CYP4A22: variants seen among roughly 807,000 people sequenced by gnomAD.
CYP4A22 encodes cytochrome P450 family 4 subfamily A member 22, also known as cytochrome P450 4A22.
CYP4A22 carries 46 observed loss-of-function variants against 56.2 expected under a neutral mutation model. The ratio of observed to expected loss-of-function variants is 0.82; its 90% CI spans 0.65 to 1.05. The LOEUF is 1.05. Among genes scored for constraint, CYP4A22 ranks in the 50% least tolerant of loss-of-function variants. CYP4A22 has a pLI of 0.00. For missense variants in CYP4A22, 541 were observed against 645.9 expected, an observed-to-expected ratio of 0.84 and a Z score of 1.76; for synonymous variants, 193 against 251.1, an observed-to-expected ratio of 0.77 and a Z score of 2.19.
At position 47,143,341 on chromosome 1, in the gene CYP4A22, G is replaced by T; in HGVS notation, c.583G>T (p.Asp195Tyr). 6.2e-7 allele frequency: 1 copy of T among 1,613,908 alleles called. No individual in the cohort carries two copies. The highest frequency in any genetic ancestry group is 8.5e-7 in the Non-Finnish European group (1 of 1,179,846). ...TCAGCACGTCTCCTTGATGACCCTG[G>T]ACACCATCATGAAGAGTGCCTTCAG... The part of the protein sequence containing the change: ...VFQHVSLMTL[D>Y]TIMKSAFSHQ... The change falls in exon 5 of 12, where the codon GAC becomes TAC. Residue 195 changes from aspartate (D) to tyrosine (Y), a missense_variant. This residue lies in a region of CYP4A22 where 335 missense variants were observed against 361.2 expected (regional missense o/e 0.93). Coordinates refer to ENST00000371891, the MANE Select transcript of CYP4A22 (RefSeq NM_001010969.4).
At chr1:47,138,252 AG>A (rs1364162208) in intron 1 of CYP4A22, among the ~76,000 whole-genome samples, 5 of 152,218 alleles carry the variant, frequency 3.3e-5, no homozygotes, top group Non-Finnish European at 5.9e-5. Context: ...AGTTTCCCCA[AG>A]GCTCACGGAA....
Position 47,144,453 on chromosome 1 carries a change from T to A in CYP4A22, c.887T>A (p.Leu296His), listed in dbSNP as rs1557648525. 1 of 1,613,904 alleles carries A rather than the reference T, an allele frequency of 6.2e-7. No homozygotes were observed. The highest frequency in any genetic ancestry group is 1.3e-5 in the African/African-American group (1 of 74,938). ...KRHLDFLDIL[L>H]LAKMENGSIL... is the part of the protein sequence containing the mutation. ...CACTTGGATTTTCTGGACATCCTCCTCTTGGCCAAAGTGAGTATGTGTAGG... is the reference window on the plus strand; with the variant it reads ...CACTTGGATTTTCTGGACATCCTCCACTTGGCCAAAGTGAGTATGTGTAGG... Residue 296 changes from leucine (L) to histidine (H), a missense_variant, in exon 7 of 12, where the codon CTC (leucine) becomes CAC (histidine). Coordinates refer to ENST00000371891, the MANE Select transcript of CYP4A22 (RefSeq NM_001010969.4).
At chr1:47,147,542 C>T in intron 11 of CYP4A22, 1 of 664,174 alleles carries the variant, frequency 1.5e-6, no homozygotes, top group Non-Finnish European at 1.9e-6. Flanking sequence ...CATTCACTCA[C>T]TGAGTGGCTT....
In CYP4A22 at chr1:47,149,626, C is replaced by G. The variant is rs1332284513; in HGVS notation, c.*829C>G. 2.6e-5 allele frequency: 4 copies of G among 152,212 alleles called. No individual in the cohort carries two copies. Among genetic ancestry groups the G allele is most frequent in the African/African-American group, 7.2e-5 (3 of 41,448 alleles). 9.4% of individuals were successfully genotyped at this position (152,212 alleles called of 1,614,324 possible). On this transcript the variant is annotated 3_prime_UTR_variant, in exon 12 of 12. Coordinates refer to ENST00000371891, the MANE Select transcript of CYP4A22 (RefSeq NM_001010969.4). The stretch of plus-strand genomic sequence containing the variant: ...ACCCACCTCCCAAACTCCTGCCTGC[C>G]CTCCAGACTGTCTGCCCATACACCT...
chr1:47,142,380 G>A, intron 4 of CYP4A22, 145 bp downstream of exon 4: 19 of 1,283,946 alleles, frequency 1.5e-5, no homozygotes, highest in Non-Finnish European at 2.0e-5. Flanking sequence ...AGAGTAGAGG[G>A]TTCCCCAGAG....
intron 2 of CYP4A22, among the ~76,000 whole-genome samples, chr1:47,141,264 A>T (rs1645005964): frequency 6.6e-6 from 1 of 152,156 alleles, no homozygotes; most frequent in Non-Finnish European, 1.5e-5. Flanking sequence ...CCTGGTCAGG[A>T]GGTGACTAGG....
At chr1:47,145,441 T>C (rs1053640842) in intron 9 of CYP4A22, among the ~76,000 whole-genome samples, 1 of 152,202 alleles carries the variant, frequency 6.6e-6, no homozygotes, top group Non-Finnish European at 1.5e-5. Flanking sequence ...AGTCCTGCTA[T>C]AACCTAGTTG....
Position 47,143,376 on chromosome 1 carries a change from C to A in CYP4A22, c.618C>A (p.Gly206=). 1.2e-6 allele frequency: 2 copies of A among 1,613,656 alleles called. No individual in the cohort carries two copies. Among genetic ancestry groups the A allele is most frequent in the East Asian group, 2.2e-5 (1 of 44,868 alleles). Residue 206 remains glycine (G), a synonymous_variant, in exon 5 of 12, where the codon GGC becomes GGA. Transcript: ENST00000371891. ...TIMKSAFSHQ[G]SIQVDRNSQS... ...TGAAGAGTGCCTTCAGCCATCAGGG[C>A]AGCATCCAGGTGGACAGGTCAGTGA...
At position 47,143,628 on chromosome 1, in the gene CYP4A22, G is replaced by A. The variant is rs577158630; in HGVS notation, c.636-134G>A. The stretch of plus-strand genomic sequence containing the variant: ...CTGATAAAGGCCAAAGGATAATAGG[G>A]CTGTAAGATAGAAGAAACATTGCCT... On this transcript the variant is annotated intron_variant, in intron 5 of 11. Coordinates refer to ENST00000371891, the MANE Select transcript of CYP4A22 (RefSeq NM_001010969.4). 9,923 of 1,328,326 alleles carry A rather than the reference G, an allele frequency of 7.5e-3. 122 individuals are homozygous for A. Among genetic ancestry groups the A allele is most frequent in the South Asian group, 0.039 (2,558 of 65,612 alleles). The allele number at this position is 1,328,326 out of a possible 1,614,324, so 82.3% of individuals were successfully genotyped here.
Position 47,143,863 on chromosome 1 carries a change from C to T in CYP4A22, c.737C>T (p.Thr246Ile), listed in dbSNP as rs760078696. The change falls in exon 6 of 12, where the codon ACC (threonine) becomes ATC (isoleucine). Residue 246 changes from threonine (T) to isoleucine (I), a missense_variant. Transcript: ENST00000371891. ...GAGAATGACACCATCTACAGCCTGA[C>T]CTCTGCTGGCCGCTGGACACACCGC... ...FHENDTIYSL[T>I]SAGRWTHRAC... 2 of 1,614,160 alleles carry T rather than the reference C, an allele frequency of 1.2e-6. No individual in the cohort carries two copies. The highest frequency in any genetic ancestry group is 1.1e-5 in the South Asian group (1 of 91,080).
rs188695873 is a variant in CYP4A22 at position 47,141,013 on chromosome 1, A to G, written c.337+92A>G. 796 of 1,554,032 alleles carry G rather than the reference A, an allele frequency of 5.1e-4. 3 individuals are homozygous for G. In the African/African-American group the frequency reaches 9.8e-3, roughly 19 times the overall value. On this transcript the variant is annotated intron_variant, in intron 2 of 11. Coordinates refer to ENST00000371891, the MANE Select transcript of CYP4A22 (RefSeq NM_001010969.4). ...AAATTCCAGAAGAGAGTGGCTGTTC[A>G]AACATCAATATCTGAAACCTCTCCC...
intron 2 of CYP4A22, among the ~76,000 whole-genome samples, chr1:47,141,261 A>G (rs1343335678): frequency 6.6e-6 from 1 of 152,204 alleles, no homozygotes; most frequent in Non-Finnish European, 1.5e-5. Context: ...TGTCCTGGTC[A>G]GGAGGTGACT....
chr1:47,146,149 T>A lies in CYP4A22; in HGVS notation c.1360T>A (p.Ser454Thr), dbSNP rs1237395045. The change falls in exon 11 of 12, where the codon TCA (serine) becomes ACA (threonine). Residue 454 changes from serine (S) to threonine (T), a missense_variant. By Grantham distance (58) the Ser-to-Thr change is moderately conservative (BLOSUM62 1). Transcript: ENST00000371891. The stretch of plus-strand genomic sequence containing the variant: ...CGCTTTCCTGCCCTTCTCAGGAGGA[T>A]CAAGGTGAGACGTCCTGTGTGGTAA... ...SHAFLPFSGG[S>T]RNCIGKQFAM... 2 of 1,614,110 alleles carry A rather than the reference T, an allele frequency of 1.2e-6. No individual in the cohort carries two copies. Among genetic ancestry groups the A allele is most frequent in the Non-Finnish European group, 1.7e-6 (2 of 1,180,010 alleles).
Position 47,148,790 on chromosome 1 carries a change from A to C in CYP4A22, c.1553A>C (p.Gln518Pro). Residue 518 changes from glutamine (Q) to proline (P), a missense_variant, in exon 12 of 12, where the codon CAG becomes CCG. Gln to Pro is a moderately conservative substitution (Grantham distance 76). Coordinates refer to ENST00000371891, the MANE Select transcript of CYP4A22 (RefSeq NM_001010969.4). ...CCTAACCCTTGTGAAGACAAGGACC[A>C]GCTTTGAGGGCCTCCACCTGCCATC... The part of the protein sequence containing the change: ...RLPNPCEDKD[Q>P]L 1 of 1,602,988 alleles carries C rather than the reference A, an allele frequency of 6.2e-7. No individual in the cohort carries two copies. Among genetic ancestry groups the C allele is most frequent in the African/African-American group, 1.3e-5 (1 of 74,776 alleles).
In CYP4A22 at chr1:47,144,926, T is replaced by G. The variant is rs1158861005; in HGVS notation, c.1178T>G (p.Leu393Arg). 1.2e-6 allele frequency: 2 copies of G among 1,613,992 alleles called. No homozygotes were observed. Among genetic ancestry groups the G allele is most frequent in the African/African-American group, 1.3e-5 (1 of 74,914 alleles). Reference protein sequence around the residue: ...YPPVPGIGRELSTPVTFPDGR... With the variant: ...YPPVPGIGRERSTPVTFPDGR... ...CCGGTGCCAGGCATTGGAAGAGAGC[T>G]CAGCACTCCCGTCACCTTCCCTGAT... is the stretch of plus-strand genomic sequence containing the variant. The change falls in exon 9 of 12, where the codon CTC (leucine) becomes CGC (arginine). Residue 393 changes from leucine (L) to arginine (R), a missense_variant. Around this residue, in one of 3 missense-constraint regions of CYP4A22, gnomAD observed 204 missense variants for 258.9 expected, o/e 0.79. Transcript: ENST00000371891.
intron 11 of CYP4A22, among the ~76,000 whole-genome samples, chr1:47,147,751 C>T (rs1645091458): frequency 6.6e-6 from 1 of 152,144 alleles, no homozygotes; most frequent in African/African-American, 2.4e-5. Flanking sequence ...TCCACATGAA[C>T]AGGGCTAGGA....
intron 11 of CYP4A22, chr1:47,147,035 G>A: frequency 5.1e-6 from 5 of 985,482 alleles, no homozygotes; most frequent in Non-Finnish European, 6.0e-6. Context: ...AATGGCTGCG[G>A]TGGAAATCAT....
rs142199182 is a variant in CYP4A22, at chr1:47,147,861, G to A, written c.1365-741G>A. Among the ~76,000 whole-genome samples, 431 of 152,346 alleles carry A rather than the reference G, an allele frequency of 2.8e-3. 1 individual carries two copies. Among genetic ancestry groups the A allele is most frequent in the Non-Finnish European group, 5.2e-3 (354 of 68,034 alleles). On this transcript the variant is annotated intron_variant, in intron 11 of 11. Transcript: ENST00000371891. ...TGCTGTCCCACCTGTGATGAAGAGC[G>A]TGGGAGGGTCTGAGCTGGGCTGTGG...
At chr1:47,142,302 C>T (rs1645020774) in intron 4 of CYP4A22, 67 bp downstream of exon 4, 1 of 1,521,182 alleles carries the variant, frequency 6.6e-7, no homozygotes, top group Admixed American at 2.1e-5. Context: ...ACTCCACTCT[C>T]AACCCTGTGT....
Sources: allele counts gnomAD v4.1 joint callset (sites outside exome capture counted in the v4.1 genomes callset), GRCh38; gene constraint gnomAD v4.1.1; regional missense constraint gnomAD v4.1.1; transcripts MANE v1.5; gene names NCBI Gene and HGNC (gene_info 2026-07-23, HGNC 2026-07-21).